Variants in ROBO2 observed in about 807,000 individuals in gnomAD.
ROBO2 encodes roundabout guidance receptor 2, also known as roundabout homolog 2.
In ROBO2, 53 loss-of-function variants were observed where a neutral mutation model predicts 160.8. That is an observed-to-expected ratio of 0.33 (90% CI 0.26 to 0.41). The LOEUF (loss-of-function observed/expected upper bound fraction) is 0.41, where lower values mean the gene tolerates loss of function less well. ROBO2 is among the 10% of genes least tolerant of loss of function. The pLI is 1.00. For synonymous variants in ROBO2, 664 were observed against 611.7 expected, an observed-to-expected ratio of 1.09 and a Z score of -1.26; for missense variants, 1,577 against 1,722.4, an observed-to-expected ratio of 0.92 and a Z score of 1.49.
intron 2 of ROBO2, among the ~76,000 whole-genome samples, chr3:76,265,196 C>T (rs1707022316): frequency 6.6e-6 from 1 of 152,040 alleles, no homozygotes; most frequent in African/African-American, 2.4e-5. Flanking sequence ...GATCCATGTC[C>T]CTCAGTCAGT....
At chr3:77,514,996 A>G (rs527662945) in intron 5 of ROBO2, among the ~76,000 whole-genome samples, 67 of 151,880 alleles carry the variant, frequency 4.4e-4, no homozygotes, top group African/African-American at 1.5e-3. Context: ...GGTTTTGGGA[A>G]AGAAACTTTG....
chr3:76,099,953 G>GGA (rs1370291914), intron 2 of ROBO2, among the ~76,000 whole-genome samples: 1 of 152,126 alleles, frequency 6.6e-6, no homozygotes, highest in Non-Finnish European at 1.5e-5. Context: ...TGTAGGTAAG[G>GGA]GAGAGGATCA....
intron 2 of ROBO2, among the ~76,000 whole-genome samples, chr3:76,001,028 A>G (rs1279889798): frequency 1.3e-5 from 2 of 151,812 alleles, no homozygotes; most frequent in Non-Finnish European, 2.9e-5. Context: ...TCTGCTTTTC[A>G]TTGACTTGAC....
In ROBO2 at chr3:76,000,950, A is replaced by G. The variant is rs72890350; in HGVS notation, c.109+63348A>G. 7.1e-3 allele frequency among the ~76,000 whole-genome samples: 1,080 copies of G among 152,248 alleles called. 14 individuals carry two copies. The highest frequency in any genetic ancestry group is 0.025 in the African/African-American group (1,020 of 41,552). ...CATACTAAATATGATTTTGACACAT[A>G]TGGATCTATTTTCACATCTTTAAGA... On this transcript the variant is annotated intron_variant, in intron 2 of 26. Transcript: ENST00000487694.
intron 2 of ROBO2, among the ~76,000 whole-genome samples, chr3:77,257,316 A>C (rs2058482147): frequency 6.6e-6 from 1 of 152,214 alleles, no homozygotes; most frequent in Non-Finnish European, 1.5e-5. Flanking sequence ...AGGCTGAACA[A>C]ACATGGCCCA....
intron 2 of ROBO2, among the ~76,000 whole-genome samples, chr3:77,013,845 T>C (rs1467862085): frequency 6.6e-6 from 1 of 152,252 alleles, no homozygotes; most frequent in Non-Finnish European, 1.5e-5. Context: ...GTGCATTTAG[T>C]ATTTTGATAC....
chr3:76,083,497 G>A (rs2068906099), intron 2 of ROBO2, among the ~76,000 whole-genome samples: 1 of 151,852 alleles, frequency 6.6e-6, no homozygotes, highest in East Asian at 1.9e-4. Context: ...AACAGCATGG[G>A]AAGGAAAAAA....
At chr3:76,286,310 T>C (rs1708502112) in intron 2 of ROBO2, among the ~76,000 whole-genome samples, 1 of 152,140 alleles carries the variant, frequency 6.6e-6, no homozygotes, top group South Asian at 2.1e-4. Flanking sequence ...ATTCAAGGAT[T>C]GAAAACATGA....
At chr3:75,974,343 T>C (rs914277949) in intron 2 of ROBO2, among the ~76,000 whole-genome samples, 2 of 151,624 alleles carry the variant, frequency 1.3e-5, no homozygotes, top group African/African-American at 2.4e-5. Context: ...TCAGAGGCAC[T>C]CAGTTACAAA....
chr3:76,375,521 A>T (rs1331959730), intron 2 of ROBO2, among the ~76,000 whole-genome samples: 2 of 152,170 alleles, frequency 1.3e-5, no homozygotes, highest in African/African-American at 4.8e-5. Flanking sequence ...CTCAATAATT[A>T]TACTGCCTGG....
At chr3:77,379,225 C>T (rs533029598) in intron 2 of ROBO2, among the ~76,000 whole-genome samples, 3 of 152,288 alleles carry the variant, frequency 2.0e-5, no homozygotes, top group Admixed American at 6.5e-5. Context: ...GGATTACAGG[C>T]GTGAGCCACA....
At position 77,535,540 on chromosome 3, in the gene ROBO2, C is replaced by A. The variant is rs181871916; in HGVS notation, c.935-10798C>A. On this transcript the variant is annotated intron_variant, in intron 6 of 25. Coordinates refer to ENST00000461745, the Ensembl canonical transcript of ROBO2. ...TTCTTCTGCTGGTCAAAAATGAGAT[C>A]ATTTCTTTACAAACAAAGAGTTAAT... 4.7e-4 allele frequency among the ~76,000 whole-genome samples: 71 copies of A among 152,232 alleles called. No homozygotes were observed. The East Asian group carries it at 0.01, about 22-fold the overall frequency.
intron 2 of ROBO2, among the ~76,000 whole-genome samples, chr3:75,952,820 T>G (rs1287875590): frequency 6.6e-6 from 1 of 151,926 alleles, no homozygotes; most frequent in Non-Finnish European, 1.5e-5. Context: ...TCCAAATCCC[T>G]AATAGCCACT....
chr3:76,933,630 A>G (rs1478278511), intron 2 of ROBO2, among the ~76,000 whole-genome samples: 1 of 152,238 alleles, frequency 6.6e-6, no homozygotes, highest in African/African-American at 2.4e-5. Flanking sequence ...ACAATTGGCT[A>G]AAAAGCCTTT....
chr3:75,958,813 A>G (rs1458872999), intron 2 of ROBO2, among the ~76,000 whole-genome samples: 1 of 151,820 alleles, frequency 6.6e-6, no homozygotes, highest in East Asian at 1.9e-4. Context: ...AACAAAGATA[A>G]AAAAAGCAGT....
chr3:76,841,557 C>T (rs574868252), intron 2 of ROBO2, among the ~76,000 whole-genome samples: 1 of 152,134 alleles, frequency 6.6e-6, no homozygotes, highest in Admixed American at 6.5e-5. Context: ...ATCCTTATTC[C>T]TCTTTTTACT....
chr3:76,917,007 A>C (rs951921599), intron 2 of ROBO2, among the ~76,000 whole-genome samples: 1 of 152,180 alleles, frequency 6.6e-6, no homozygotes, highest in African/African-American at 2.4e-5. Flanking sequence ...TTGACCAAAA[A>C]AGCAGACAGA....
At chr3:77,357,067 C>A (rs1028535306) in intron 2 of ROBO2, among the ~76,000 whole-genome samples, 1 of 152,120 alleles carries the variant, frequency 6.6e-6, no homozygotes, top group Admixed American at 6.6e-5. Flanking sequence ...CAGTAACTTG[C>A]ATCTGTTGAG....
At chr3:77,054,390 T>C (rs2065513740) in intron 1 of ROBO2, among the ~76,000 whole-genome samples, 2 of 152,198 alleles carry the variant, frequency 1.3e-5, no homozygotes, top group African/African-American at 2.4e-5. Context: ...CTATACAACG[T>C]ATGCCATCTG....
Sources: gnomAD v4.1 joint callset for allele counts (sites outside exome capture counted in the v4.1 genomes callset) on GRCh38, gnomAD v4.1.1 for gene constraint, MANE v1.5 for transcripts, NCBI Gene and HGNC (gene_info 2026-07-23, HGNC 2026-07-21) for gene names.